Variants in BNIP5 observed in about 807,000 individuals in gnomAD.
BNIP5 encodes protein BNIP5.
A neutral mutation model predicts 67.3 loss-of-function variants in BNIP5; 61 were observed. That is an observed-to-expected ratio of 0.91 (90% CI 0.74 to 1.12). The LOEUF is 1.12. Among genes scored for constraint, BNIP5 ranks in the 50% most tolerant of loss-of-function variants. BNIP5 has a pLI of 0.00. For missense variants in BNIP5, 826 were observed against 816.3 expected (o/e 1.01, Z -0.14); for synonymous variants, 317 against 319.0 (o/e 0.99, Z 0.07).
At chr6:36,321,973 G>T (rs1000640586) in intron 9 of BNIP5, among the ~76,000 whole-genome samples, 4 of 152,210 alleles carry the variant, frequency 2.6e-5, no homozygotes, top group Admixed American at 6.5e-5. Flanking sequence ...ACAAAGTAGG[G>T]CATCCTTCTC....
intron 1 of BNIP5, among the ~76,000 whole-genome samples, chr6:36,333,335 T>C (rs115679056): frequency 6.6e-6 from 1 of 152,226 alleles, no homozygotes; most frequent in Non-Finnish European, 1.5e-5. Context: ...TGTTGTTTAA[T>C]GTTCCTTAAA....
At chr6:36,319,673 C>T (rs1373704303) in intron 10 of BNIP5, 63 bp from the exon 11 acceptor site, 1 of 1,555,296 alleles carries the variant, frequency 6.4e-7, no homozygotes, top group Non-Finnish European at 8.7e-7. Flanking sequence ...GCCAACTGCC[C>T]CTCCCACAAC....
chr6:36,336,217 C>T (rs548667244), intron 1 of BNIP5, among the ~76,000 whole-genome samples: 5 of 152,314 alleles, frequency 3.3e-5, no homozygotes, highest in Admixed American at 2.0e-4. Context: ...CCTTAAAACT[C>T]ATAGAACCTT....
Position 36,317,372 on chromosome 6 carries a change from A to G in BNIP5, c.1943T>C (p.Val648Ala). ...ACACAGCTTTCAATCTGGACTTTCAACCTTAGGACTTGTGATGTTCTGGGA... is the reference window on the plus strand; with the variant it reads ...ACACAGCTTTCAATCTGGACTTTCAGCCTTAGGACTTGTGATGTTCTGGGA... ...EDQPNITSPKVESPD is the reference protein window; with the variant it reads ...EDQPNITSPKAESPD Residue 648 changes from valine (V) to alanine (A), a missense_variant, in exon 12 of 12, where the codon GTT becomes GCT. Physicochemically the swap from Val to Ala is moderately conservative, Grantham distance 64. Transcript: ENST00000437635. The G allele has an allele frequency of 1.2e-6, 2 of 1,613,612 alleles. No individual in the cohort carries two copies. Among genetic ancestry groups the G allele is most frequent in the Non-Finnish European group, 1.7e-6 (2 of 1,179,524 alleles).
At chr6:36,332,393 G>A (rs1771928050) in intron 1 of BNIP5, among the ~76,000 whole-genome samples, 1 of 151,788 alleles carries the variant, frequency 6.6e-6, no homozygotes, top group Admixed American at 6.6e-5. Flanking sequence ...GCCTGGTGGT[G>A]TGCAATGTCG....
In BNIP5 at chr6:36,322,449, C is replaced by CA. The variant is rs760620053; in HGVS notation, c.1472-8dup. 16 of 1,607,132 alleles carry CA rather than the reference C, an allele frequency of 1.0e-5. No homozygotes were observed. The highest frequency in any genetic ancestry group is 6.7e-5 in the African/African-American group (5 of 74,208). ...CACTCGAGATCTTCTGGATCTAGGG[C>CA]AAAAAAAGAGTTGTTGAGTGTTTTG... On this transcript the variant is annotated splice_region_variant and splice_polypyrimidine_tract_variant and intron_variant, in intron 8 of 11. Transcript: ENST00000437635.
intron 5 of BNIP5, 21 bp downstream of exon 5, chr6:36,326,489 G>A (rs375209861): frequency 1.8e-5 from 29 of 1,613,126 alleles, no homozygotes; most frequent in Non-Finnish European, 2.3e-5. Flanking sequence ...GGTTGCTATG[G>A]CAACTGCAGA....
chr6:36,324,000 C>T (rs1249101435), intron 7 of BNIP5, 129 bp downstream of exon 7: 2 of 597,060 alleles, frequency 3.3e-6, no homozygotes, highest in African/African-American at 2.2e-5. Context: ...ACTCCGTCTC[C>T]AAAAAAAAAA....
intron 8 of BNIP5, 79 bp from the exon 9 acceptor site, chr6:36,322,521 G>C: frequency 6.8e-7 from 1 of 1,466,602 alleles, no homozygotes; most frequent in Non-Finnish European, 9.2e-7. Context: ...CGGAGGCACA[G>C]GCATAAGCAG....
chr6:36,320,396 T>A (rs1432983178), intron 10 of BNIP5, among the ~76,000 whole-genome samples: 2 of 152,188 alleles, frequency 1.3e-5, no homozygotes, highest in Admixed American at 6.5e-5. Context: ...CTGGGGTCTC[T>A]ATCCACCAAC....
chr6:36,327,474 T>C, intron 3 of BNIP5, among the ~76,000 whole-genome samples: 1 of 152,232 alleles, frequency 6.6e-6, no homozygotes, highest in Admixed American at 6.5e-5. Context: ...ATCTTTGTCC[T>C]GCCTCCCTCA....
In BNIP5 at chr6:36,319,512, G is replaced by A. The variant is rs554437517; in HGVS notation, c.1767C>T (p.Ser589=). 4.3e-6 allele frequency: 7 copies of A among 1,614,098 alleles called. No individual in the cohort carries two copies. The highest frequency in any genetic ancestry group is 5.9e-6 in the Non-Finnish European group (7 of 1,180,044). Reference sequence around the variant, plus strand: ...TGGCGCGGTTCCTGTCCAGCTTAGAGGAGTGAGCCACCTGGCTGCGCAGGG... The same window carrying A: ...TGGCGCGGTTCCTGTCCAGCTTAGAAGAGTGAGCCACCTGGCTGCGCAGGG... ...VATLRSQVAH[S]SKLDRNRARR... Residue 589 remains serine, a synonymous_variant, in exon 11 of 12, where the codon TCC becomes TCT. Coordinates refer to ENST00000437635, the MANE Select transcript of BNIP5 (RefSeq NM_001010903.5).
chr6:36,334,614 C>T (rs1057417342), intron 1 of BNIP5, among the ~76,000 whole-genome samples: 7 of 152,164 alleles, frequency 4.6e-5, no homozygotes, highest in Admixed American at 1.3e-4. Context: ...GGAAGACACA[C>T]CCACACGCCC....
chr6:36,328,798 C>T (rs41272158), intron 2 of BNIP5, 84 bp from the exon 3 acceptor site: 56,577 of 866,778 alleles, frequency 0.065, 2,062 homozygotes, highest in Middle Eastern at 0.13. Flanking sequence ...TTCATCAACA[C>T]GAGAAAACAG....
rs1771550379 is a variant in BNIP5, at chr6:36,317,667, T to C, written c.1924-276A>G. 3.3e-5 allele frequency among the ~76,000 whole-genome samples: 5 copies of C among 152,200 alleles called. 1 individual carries two copies. ...GGCCTCAGCTACCACTCATTTGGTA[T>C]TTGGTTGCTATTTAATTTTGTCATC... On this transcript the variant is annotated intron_variant, in intron 11 of 11. Coordinates refer to ENST00000437635, the MANE Select transcript of BNIP5 (RefSeq NM_001010903.5).
At position 36,330,466 on chromosome 6, in the gene BNIP5, G is replaced by A. The variant is rs757998822; in HGVS notation, c.225C>T (p.Ala75=). Residue 75 remains alanine (A), a synonymous_variant, in exon 2 of 12, where the codon GCC becomes GCT. Transcript: ENST00000437635. ...AATCTCCGGTCTCCTCGGGAGTGGG[G>A]GCTGCAGCGGTGGTGCAGTGAGCCT... is the stretch of plus-strand genomic sequence containing the variant. ...SAEAHCTTAA[A]PTPEETGDFL... 6.2e-7 allele frequency: 1 copy of A among 1,614,190 alleles called. No individual in the cohort carries two copies. Among genetic ancestry groups the A allele is most frequent in the Non-Finnish European group, 8.5e-7 (1 of 1,180,030 alleles).
At position 36,330,098 on chromosome 6, in the gene BNIP5, A is replaced by G. The variant is rs752651316; in HGVS notation, c.593T>C (p.Leu198Pro). 6.2e-7 allele frequency: 1 copy of G among 1,606,560 alleles called. No homozygotes were observed. Among genetic ancestry groups the G allele is most frequent in the Non-Finnish European group, 8.5e-7 (1 of 1,178,982 alleles). ...AAALRSGEADLGPARRGGEDS... is the reference protein window; with the variant it reads ...AAALRSGEADPGPARRGGEDS... ...CCGCTCACCCCTGCGAGCTGGGCCC[A>G]GGTCAGCCTCCCCGGAGCGCAAGGC... Residue 198 changes from leucine (L) to proline (P), a missense_variant, in exon 2 of 12, where the codon CTG (leucine) becomes CCG (proline). Physicochemically the swap from Leu to Pro is moderately conservative, Grantham distance 98. Coordinates refer to ENST00000437635, the MANE Select transcript of BNIP5 (RefSeq NM_001010903.5).
chr6:36,333,593 C>A (rs1406236856), intron 1 of BNIP5, among the ~76,000 whole-genome samples: 1 of 152,210 alleles, frequency 6.6e-6, no homozygotes, highest in Non-Finnish European at 1.5e-5. Flanking sequence ...GGGATACAAT[C>A]ATGAACAAGA....
intron 3 of BNIP5, among the ~76,000 whole-genome samples, chr6:36,327,621 C>T (rs150736196): frequency 1.4e-3 from 209 of 152,296 alleles, no homozygotes; most frequent in Admixed American, 2.4e-3. Flanking sequence ...TGTCGGTAGG[C>T]ATGACACAGA....
Sources: allele counts gnomAD v4.1 joint callset (sites outside exome capture counted in the v4.1 genomes callset), GRCh38; gene constraint gnomAD v4.1.1; transcripts MANE v1.5; gene names NCBI Gene and HGNC (gene_info 2026-07-23, HGNC 2026-07-21).